CASP14: variants seen among roughly 807,000 people sequenced by gnomAD.
CASP14 encodes caspase-14.
In CASP14, 27 loss-of-function variants were observed where a neutral mutation model predicts 28.4. That is an observed-to-expected ratio of 0.95 (90% confidence interval 0.70 to 1.31). The LOEUF is 1.31. Among genes scored for constraint, CASP14 ranks in the 50% most tolerant of loss-of-function variants. CASP14 has a pLI of 0.00. For missense variants in CASP14, 323 were observed against 312.8 expected, an observed-to-expected ratio of 1.03 and a Z score of -0.25; for synonymous variants, 115 against 118.6, an observed-to-expected ratio of 0.97 and a Z score of 0.20.
Position 15,056,229 on chromosome 19 carries a change from T to C in CASP14, c.*140T>C. 1.5e-6 allele frequency: 1 copy of C among 651,734 alleles called. No homozygotes were observed. The highest frequency in any genetic ancestry group is 1.8e-5 in the South Asian group (1 of 56,550). The allele number at this position is 651,734 out of a possible 1,614,324, so 40.4% of individuals were successfully genotyped here. A position where few individuals can be genotyped will look rare whatever the true frequency, so the allele number is the denominator to read the frequency against. On this transcript the variant is annotated 3_prime_UTR_variant, in exon 7 of 7. Coordinates refer to ENST00000427043, the MANE Select transcript of CASP14 (RefSeq NM_012114.3). The stretch of plus-strand genomic sequence containing the variant: ...AGTTTCTTTTCCATCACACCCTTCA[T>C]GCAGGTCCTCCTGTCCTTATTAGAG...
Position 15,053,912 on chromosome 19 carries a change from C to T in CASP14, c.357C>T (p.Ala119=), listed in dbSNP as rs762386307. The T allele has an allele frequency of 3.1e-6, 5 of 1,614,046 alleles. No individual in the cohort carries two copies. The highest frequency in any genetic ancestry group is 4.2e-6 in the Non-Finnish European group (5 of 1,180,018). ...FEALNNKNCQ[A]LRAKPKVYII... is the part of the protein sequence containing the mutation. ...CCCTGAACAACAAGAACTGCCAGGCCCTGCGAGCTAAGCCCAAGGTGTACA... is the reference window on the plus strand; with the variant it reads ...CCCTGAACAACAAGAACTGCCAGGCTCTGCGAGCTAAGCCCAAGGTGTACA... The change falls in exon 4 of 7, where the codon GCC becomes GCT. Residue 119 remains alanine, a synonymous_variant. Coordinates refer to ENST00000427043, the MANE Select transcript of CASP14 (RefSeq NM_012114.3).
intron 2 of CASP14, 39 bp downstream of exon 2, chr19:15,052,317 G>A: frequency 6.5e-7 from 1 of 1,541,100 alleles, no homozygotes. Flanking sequence ...TGATCATCTG[G>A]GGAGAAGGAA....
chr19:15,051,919 G>A (rs994742227), intron 1 of CASP14, among the ~76,000 whole-genome samples: 3 of 152,126 alleles, frequency 2.0e-5, no homozygotes, highest in African/African-American at 4.8e-5. Context: ...AATGACCCAC[G>A]GGAGACACAG....
Position 15,053,468 on chromosome 19 carries a change from T to C in CASP14, c.28-14T>C, listed in dbSNP as rs374749860. ...AACCTCTCCATGCTGATTTCTGTCT[T>C]CTCTTGGCCCCAGGAGAAATATGAT... On this transcript the variant is annotated splice_polypyrimidine_tract_variant and intron_variant, in intron 2 of 6. Coordinates refer to ENST00000427043, the MANE Select transcript of CASP14 (RefSeq NM_012114.3). 1.4e-5 allele frequency: 22 copies of C among 1,613,948 alleles called. No homozygotes were observed. Among genetic ancestry groups the C allele is most frequent in the Non-Finnish European group, 1.7e-6 (2 of 1,179,968 alleles).
rs1369777507 is a variant in CASP14 at position 15,049,611 on chromosome 19, A to G, written c.-81A>G. 1 of 151,618 alleles carries G rather than the reference A, an allele frequency of 6.6e-6. No homozygotes were observed. Among genetic ancestry groups the G allele is most frequent in the Non-Finnish European group, 1.5e-5 (1 of 68,082 alleles). 9.4% of individuals were successfully genotyped at this position (151,618 alleles called of 1,614,324 possible). A position where few individuals can be genotyped will look rare whatever the true frequency, so the allele number is the denominator to read the frequency against. ...GGCAACTAGGAGAGTAGTGAGATTG[A>G]ACTTGGCCTTGAGGAACAGCTGCCT... On this transcript the variant is annotated 5_prime_UTR_variant, in exon 1 of 7. Transcript: ENST00000427043.
Position 15,056,234 on chromosome 19 carries a change from G to A in CASP14, c.*145G>A, listed in dbSNP as rs927704903. ...CTTTTCCATCACACCCTTCATGCAG[G>A]TCCTCCTGTCCTTATTAGAGCAAGC... On this transcript the variant is annotated 3_prime_UTR_variant, in exon 7 of 7. Coordinates refer to ENST00000427043, the MANE Select transcript of CASP14 (RefSeq NM_012114.3). 5 of 612,652 alleles carry A rather than the reference G, an allele frequency of 8.2e-6. No individual in the cohort carries two copies. Among genetic ancestry groups the A allele is most frequent in the African/African-American group, 7.5e-5 (4 of 53,572 alleles). 38.0% of individuals were successfully genotyped at this position (612,652 alleles called of 1,614,324 possible).
chr19:15,055,560 C>A (rs775433919), intron 6 of CASP14, 27 bp downstream of exon 6: 2 of 1,558,946 alleles, frequency 1.3e-6, no homozygotes, highest in Non-Finnish European at 1.8e-6. Flanking sequence ...TAGCTGGGAC[C>A]ACCGCCCAGG....
chr19:15,058,261 G>C lies in CASP14; in HGVS notation c.*2172G>C, dbSNP rs2046126814. ...GGAACAAGCCCTTAATCTGCATAATGAGTGTTCAATAAACAGTTGTCAAAC... is the reference window on the plus strand; with the variant it reads ...GGAACAAGCCCTTAATCTGCATAATCAGTGTTCAATAAACAGTTGTCAAAC... On this transcript the variant is annotated 3_prime_UTR_variant, in exon 7 of 7. Coordinates refer to ENST00000427043, the MANE Select transcript of CASP14 (RefSeq NM_012114.3). 2.0e-5 allele frequency: 3 copies of C among 152,210 alleles called. No individual in the cohort carries two copies. The highest frequency in any genetic ancestry group is 7.2e-5 in the African/African-American group (3 of 41,446). 9.4% of individuals were successfully genotyped at this position (152,210 alleles called of 1,614,324 possible).
In CASP14 at chr19:15,053,949, T is replaced by C; in HGVS notation, c.394T>C (p.Cys132Arg). 6.2e-7 allele frequency: 1 copy of C among 1,613,322 alleles called. No homozygotes were observed. The highest frequency in any genetic ancestry group is 8.5e-7 in the Non-Finnish European group (1 of 1,179,784). ...AKPKVYIIQACRGEQRDPGET... is the reference protein window; with the variant it reads ...AKPKVYIIQARRGEQRDPGET... Reference sequence around the variant, plus strand: ...GCCCAAGGTGTACATCATACAGGCCTGTCGAGGAGGTGGGGACAGATCCAA... The same window carrying C: ...GCCCAAGGTGTACATCATACAGGCCCGTCGAGGAGGTGGGGACAGATCCAA... The change falls in exon 4 of 7, where the codon TGT becomes CGT. Residue 132 changes from cysteine (C) to arginine (R), a missense_variant. Cys to Arg is a radical substitution (Grantham distance 180). Coordinates refer to ENST00000427043, the MANE Select transcript of CASP14 (RefSeq NM_012114.3).
chr19:15,056,285 G>C lies in CASP14; in HGVS notation c.*196G>C. On this transcript the variant is annotated 3_prime_UTR_variant, in exon 7 of 7. Transcript: ENST00000427043. The stretch of plus-strand genomic sequence containing the variant: ...CAGCCAAAACTTAGCACAAGGCATG[G>C]TGGCAACATTAACATCACCTCCCTC... 2.0e-6 allele frequency: 1 copy of C among 497,342 alleles called. No individual in the cohort carries two copies. Among genetic ancestry groups the C allele is most frequent in the South Asian group, 2.2e-5 (1 of 45,616 alleles). The allele number at this position is 497,342 out of a possible 1,614,324, so 30.8% of individuals were successfully genotyped here. A position where few individuals can be genotyped will look rare whatever the true frequency, so the allele number is the denominator to read the frequency against.
intron 1 of CASP14, among the ~76,000 whole-genome samples, chr19:15,051,696 G>C (rs2046091646): frequency 6.6e-6 from 1 of 152,078 alleles, no homozygotes; most frequent in Non-Finnish European, 1.5e-5. Context: ...GAGGTGGATT[G>C]ACCCCTTCGT....
intron 1 of CASP14, among the ~76,000 whole-genome samples, chr19:15,051,328 C>T (rs775418631): frequency 1.3e-5 from 2 of 151,302 alleles, no homozygotes; most frequent in Admixed American, 1.3e-4. Context: ...GAAATCCCGT[C>T]TCTACTAAAA....
chr19:15,056,473 C>G lies in CASP14; in HGVS notation c.*384C>G, dbSNP rs2046118135. The G allele has an allele frequency of 5.1e-6, 1 of 194,728 alleles. No individual in the cohort carries two copies. Among genetic ancestry groups the G allele is most frequent in the South Asian group, 1.1e-4 (1 of 9,396 alleles). 12.1% of individuals were successfully genotyped at this position (194,728 alleles called of 1,614,324 possible). A position where few individuals can be genotyped will look rare whatever the true frequency, so the allele number is the denominator to read the frequency against. ...CCAAAGCCCACTCATCCCCTCCTAC[C>G]CCAATCCAACCTCTGCTGGCTCCTG... On this transcript the variant is annotated 3_prime_UTR_variant, in exon 7 of 7. Transcript: ENST00000427043.
At chr19:15,052,128 G>A in intron 1 of CASP14, 78 bp from the exon 2 acceptor site, 2 of 1,067,312 alleles carry the variant, frequency 1.9e-6, no homozygotes, top group Non-Finnish European at 2.7e-6. Flanking sequence ...CAAAAATCCA[G>A]ATACATAAGC....
Position 15,055,205 on chromosome 19 carries a change from G to T in CASP14, c.451G>T (p.Val151Phe), listed in dbSNP as rs2046110560. ...AGTAGGTGGAGATGAGATTGTGATG[G>T]TCATCAAAGACAGCCCACAAACCAT... ...ETVGGDEIVM[V>F]IKDSPQTIPT... Residue 151 changes from valine to phenylalanine, a missense_variant, in exon 5 of 7, where the codon GTC becomes TTC. Transcript: ENST00000427043. The T allele has an allele frequency of 6.2e-7, 1 of 1,613,936 alleles. No individual in the cohort carries two copies. The highest frequency in any genetic ancestry group is 1.3e-5 in the African/African-American group (1 of 74,870).
Position 15,052,231 on chromosome 19 carries a change from G to A in CASP14, c.-21G>A. The A allele has an allele frequency of 1.3e-6, 2 of 1,584,764 alleles. No homozygotes were observed. Among genetic ancestry groups the A allele is most frequent in the Middle Eastern group, 3.3e-4 (2 of 6,020 alleles). On this transcript the variant is annotated 5_prime_UTR_variant, in exon 2 of 7. Coordinates refer to ENST00000427043, the MANE Select transcript of CASP14 (RefSeq NM_012114.3). ...GATCAGACAAGGGTGCTGAGAGCCG[G>A]GACTCACAACCAAAGGAGAAATGAG... is the stretch of plus-strand genomic sequence containing the variant.
intron 1 of CASP14, among the ~76,000 whole-genome samples, chr19:15,051,738 G>T (rs1036103191): frequency 1.3e-5 from 2 of 152,064 alleles, no homozygotes; most frequent in African/African-American, 4.8e-5. Context: ...TATCAAAGTT[G>T]CATTCCCCAC....
rs552598273 is a variant in CASP14 at position 15,053,916 on chromosome 19, C to A, written c.361C>A (p.Arg121=). The A allele has an allele frequency of 3.7e-6, 6 of 1,614,028 alleles. No homozygotes were observed. Among genetic ancestry groups the A allele is most frequent in the African/African-American group, 1.3e-5 (1 of 75,026 alleles). Residue 121 remains arginine (R), a synonymous_variant, in exon 4 of 7, where the codon CGA becomes AGA. Transcript: ENST00000427043. ...GAACAACAAGAACTGCCAGGCCCTGCGAGCTAAGCCCAAGGTGTACATCAT... is the reference window on the plus strand; with the variant it reads ...GAACAACAAGAACTGCCAGGCCCTGAGAGCTAAGCCCAAGGTGTACATCAT... ...ALNNKNCQAL[R]AKPKVYIIQA...
At chr19:15,052,135 A>T (rs2046093837) in intron 1 of CASP14, 71 bp from the exon 2 acceptor site, 1 of 1,135,976 alleles carries the variant, frequency 8.8e-7, no homozygotes, top group Admixed American at 2.8e-5. Flanking sequence ...CCAGATACAT[A>T]AGCCAGTTTG....
Sources: gnomAD v4.1 joint callset for allele counts (sites outside exome capture counted in the v4.1 genomes callset) on GRCh38, gnomAD v4.1.1 for gene constraint, MANE v1.5 for transcripts, NCBI Gene and HGNC (gene_info 2026-07-23, HGNC 2026-07-21) for gene names.